The following CYRIB variants were observed in gnomAD, a reference collection of about 807,000 sequenced individuals.
CYRIB encodes CYFIP related Rac1 interactor B, also known as CYFIP-related Rac1 interactor B.
CYRIB carries 8 observed loss-of-function variants against 44.2 expected under a neutral mutation model. That is an observed-to-expected ratio of 0.18 (90% CI 0.11 to 0.33). The LOEUF is 0.33. Ranked by LOEUF, CYRIB falls within the 10% of genes least tolerant of loss-of-function variation. CYRIB has a pLI of 1.00. For missense variants in CYRIB, 185 were observed against 382.8 expected, an observed-to-expected ratio of 0.48 and a Z score of 4.31; for synonymous variants, 131 against 127.2, an observed-to-expected ratio of 1.03 and a Z score of -0.20.
chr8:129,855,535 T>C lies in CYRIB; in HGVS notation c.438+76A>G, dbSNP rs534770902. On this transcript the variant is annotated intron_variant, in intron 6 of 11. Coordinates refer to ENST00000519824, the Ensembl canonical transcript of CYRIB. ...TCATTTAAATACATTTTAACAATGT[T>C]TCCCGGCTCTTCCTCCTAGTACTCA... 2.5e-4 allele frequency: 362 copies of C among 1,458,166 alleles called. 5 individuals are homozygous for C. In the South Asian group the frequency reaches 3.9e-3, roughly 16 times the overall value. The allele number at this position is 1,458,166 out of a possible 1,614,324, so 90.3% of individuals were successfully genotyped here. A position where few individuals can be genotyped will look rare whatever the true frequency, so the allele number is the denominator to read the frequency against.
chr8:130,005,847 G>T (rs915857837), intron 1 of CYRIB, among the ~76,000 whole-genome samples: 1 of 150,594 alleles, frequency 6.6e-6, no homozygotes, highest in African/African-American at 2.5e-5. Context: ...GGCTGGAAAA[G>T]ATGGGACTAG....
At chr8:129,887,868 T>C (rs1232057217) in intron 2 of CYRIB, among the ~76,000 whole-genome samples, 2 of 152,242 alleles carry the variant, frequency 1.3e-5, no homozygotes, top group Non-Finnish European at 2.9e-5. Flanking sequence ...CATTGTATCT[T>C]GGAAGTAACT....
intron 1 of CYRIB, among the ~76,000 whole-genome samples, chr8:129,939,087 G>T (rs2093320795): frequency 6.6e-6 from 1 of 152,180 alleles, no homozygotes; most frequent in African/African-American, 2.4e-5. Context: ...GAGCGATAAA[G>T]ACACCAACTT....
chr8:129,905,230 G>GATT (rs1206388575), intron 1 of CYRIB, among the ~76,000 whole-genome samples: 1 of 151,842 alleles, frequency 6.6e-6, no homozygotes, highest in Non-Finnish European at 1.5e-5. Context: ...TTGATTGATT[G>GATT]ATTTTGAGAT....
chr8:129,994,179 C>T (rs1189310091), intron 1 of CYRIB, among the ~76,000 whole-genome samples: 2 of 152,178 alleles, frequency 1.3e-5, no homozygotes, highest in African/African-American at 4.8e-5. Flanking sequence ...AAGACACACA[C>T]ACACAGGGAG....
chr8:129,852,833 T>C (rs574084638), intron 7 of CYRIB, among the ~76,000 whole-genome samples: 1 of 152,238 alleles, frequency 6.6e-6, no homozygotes, highest in African/African-American at 2.4e-5. Flanking sequence ...AAGATACAGG[T>C]TGGGGTCAGA....
intron 2 of CYRIB, among the ~76,000 whole-genome samples, chr8:129,889,478 C>CTGAGAAA (rs1249140062): frequency 2.6e-5 from 4 of 152,150 alleles, no homozygotes; most frequent in Non-Finnish European, 5.9e-5. Context: ...TCTGATGGAT[C>CTGAGAAA]TGAGAAAGTA....
At chr8:129,920,389 A>G (rs553753412) in intron 1 of CYRIB, among the ~76,000 whole-genome samples, 2 of 152,290 alleles carry the variant, frequency 1.3e-5, no homozygotes, top group East Asian at 3.9e-4. Flanking sequence ...AAAAGAGCTC[A>G]TAATTCTTCA....
At chr8:129,920,967 T>G (rs913107243) in intron 1 of CYRIB, among the ~76,000 whole-genome samples, 1 of 152,074 alleles carries the variant, frequency 6.6e-6, no homozygotes, top group African/African-American at 2.4e-5. Context: ...AATATTAAAG[T>G]GCAAGAATAG....
chr8:129,886,514 C>T (rs949386546), intron 2 of CYRIB, among the ~76,000 whole-genome samples: 5 of 152,174 alleles, frequency 3.3e-5, no homozygotes, highest in African/African-American at 7.2e-5. Flanking sequence ...CACCCTATTC[C>T]CTTGCTTCTC....
chr8:129,874,947 G>T (rs946252908), intron 3 of CYRIB, among the ~76,000 whole-genome samples: 5 of 152,228 alleles, frequency 3.3e-5, no homozygotes, highest in African/African-American at 1.2e-4. Context: ...CAGAATCAGA[G>T]AAAATATACT....
chr8:129,947,449 G>A (rs978703483), intron 2 of CYRIB, among the ~76,000 whole-genome samples: 6 of 152,164 alleles, frequency 3.9e-5, no homozygotes, highest in Non-Finnish European at 5.9e-5. Flanking sequence ...TTGTTACAAT[G>A]TCAGCTGTGA....
chr8:129,840,108 T>A (rs2035654064), exon 12 of CYRIB: 1 of 166,788 alleles, frequency 6.0e-6, no homozygotes, highest in Non-Finnish European at 1.4e-5. Flanking sequence ...TGTATCAGAT[T>A]CTTAAGGCTG....
At chr8:129,912,919 C>T (rs973113973) in intron 1 of CYRIB, among the ~76,000 whole-genome samples, 13 of 151,220 alleles carry the variant, frequency 8.6e-5, no homozygotes, top group South Asian at 2.1e-4. Context: ...AAATACAAAG[C>T]GCAAAAGTGA....
intron 1 of CYRIB, among the ~76,000 whole-genome samples, chr8:129,995,391 A>T (rs1165370340): frequency 6.6e-6 from 1 of 152,190 alleles, no homozygotes; most frequent in Admixed American, 6.5e-5. Context: ...AAAACATCTA[A>T]AGTAGTAGCA....
rs181698368 is a variant in CYRIB, at chr8:129,950,464, C to G, written c.-243+20479G>C. 5.8e-4 allele frequency among the ~76,000 whole-genome samples: 88 copies of G among 151,824 alleles called. No homozygotes were observed. The South Asian group carries it at 0.011, about 19-fold the overall frequency. ...GTGCACCTGTAATCTCAGCTACTTG[C>G]GAGGCTGAGACAGGAGAATCACTTG... On this transcript the variant is annotated intron_variant, in intron 2 of 14. Coordinates refer to the CYRIB transcript ENST00000401979.
intron 1 of CYRIB, among the ~76,000 whole-genome samples, chr8:129,988,778 GT>G (rs1554757722): frequency 1.9e-4 from 29 of 148,752 alleles, no homozygotes; most frequent in East Asian, 1.0e-3. Context: ...GGCGGGTGGG[GT>G]TTTTTTTTCT....
chr8:129,954,671 T>C (rs550020918), intron 2 of CYRIB, among the ~76,000 whole-genome samples: 1 of 152,278 alleles, frequency 6.6e-6, no homozygotes, highest in South Asian at 2.1e-4. Flanking sequence ...GCCCAAGTGG[T>C]TAAGGAACTT....
At chr8:129,990,507 T>C (rs2096604810) in intron 1 of CYRIB, among the ~76,000 whole-genome samples, 1 of 151,384 alleles carries the variant, frequency 6.6e-6, no homozygotes, top group Non-Finnish European at 1.5e-5. Flanking sequence ...CGTGTGTGTG[T>C]GTGTGTGTGT....
Sources: gnomAD v4.1 joint callset for allele counts (sites outside exome capture counted in the v4.1 genomes callset) on GRCh38, gnomAD v4.1.1 for gene constraint, MANE v1.5 for transcripts, NCBI Gene and HGNC (gene_info 2026-07-23, HGNC 2026-07-21) for gene names.